LRMDA: variants seen among roughly 807,000 people sequenced by gnomAD.
The protein encoded by LRMDA is leucine-rich melanocyte differentiation-associated protein.
In LRMDA, 18 loss-of-function variants were observed where a neutral mutation model predicts 29.8. That is an observed-to-expected ratio of 0.60 (90% CI 0.42 to 0.90). The LOEUF (loss-of-function observed/expected upper bound fraction) is 0.90, where lower values mean the gene tolerates loss of function less well. Among genes scored for constraint, LRMDA ranks in the 40% least tolerant of loss-of-function variants. The pLI is 0.00. For synonymous variants in LRMDA, 125 were observed against 109.4 expected (o/e 1.14, Z -0.89); for missense variants, 273 against 273.9 (o/e 1.00, Z 0.02).
chr10:76,363,254 A>AGAAGGAAGGAAGGAAG (rs774111711), intron 6 of LRMDA, among the ~76,000 whole-genome samples: 1 of 46,402 alleles, frequency 2.2e-5, no homozygotes, highest in African/African-American at 9.4e-5. Flanking sequence ...AAAGAAAGAA[A>AGAAGGAAGGAAGGAAG]GAAGGAAGGA....
chr10:76,317,996 C>A (rs113649246), intron 5 of LRMDA, among the ~76,000 whole-genome samples: 2,066 of 152,226 alleles, frequency 0.014, 28 homozygotes, highest in African/African-American at 0.035. Context: ...TAATTAATAT[C>A]TTTGCATATT....
At chr10:76,351,550 T>G (rs1029821698) in intron 6 of LRMDA, among the ~76,000 whole-genome samples, 1 of 152,042 alleles carries the variant, frequency 6.6e-6, no homozygotes, top group Non-Finnish European at 1.5e-5. Flanking sequence ...TCTTCACCCC[T>G]TTGGTTTCCC....
At chr10:76,203,301 TA>T (rs1055618508) in intron 5 of LRMDA, among the ~76,000 whole-genome samples, 1 of 151,978 alleles carries the variant, frequency 6.6e-6, no homozygotes, top group African/African-American at 2.4e-5. Flanking sequence ...TCAAAGGGTT[TA>T]AAAAAAATGT....
At chr10:76,484,664 T>C (rs972897421) in intron 6 of LRMDA, among the ~76,000 whole-genome samples, 2 of 151,974 alleles carry the variant, frequency 1.3e-5, no homozygotes, top group African/African-American at 4.8e-5. Flanking sequence ...TTTAGTTTTA[T>C]GTAGTTTTCT....
chr10:75,567,955 G>C (rs963305781), intron 2 of LRMDA, among the ~76,000 whole-genome samples: 1 of 152,196 alleles, frequency 6.6e-6, no homozygotes, highest in Non-Finnish European at 1.5e-5. Flanking sequence ...TGTTTAAGAA[G>C]CCCATGAAAT....
intron 2 of LRMDA, among the ~76,000 whole-genome samples, chr10:75,553,695 C>T (rs1413075582): frequency 1.3e-5 from 2 of 152,140 alleles, no homozygotes; most frequent in Non-Finnish European, 2.9e-5. Context: ...GCTTCTATCT[C>T]TCCTTTAGTT....
intron 2 of LRMDA, among the ~76,000 whole-genome samples, chr10:75,671,683 T>C (rs1255321198): frequency 6.6e-6 from 1 of 152,004 alleles, no homozygotes; most frequent in African/African-American, 2.4e-5. Flanking sequence ...AAATACCTAA[T>C]GTAGATGATG....
chr10:76,281,690 C>T (rs1371899962), intron 5 of LRMDA, among the ~76,000 whole-genome samples: 1 of 152,100 alleles, frequency 6.6e-6, no homozygotes, highest in Non-Finnish European at 1.5e-5. Flanking sequence ...TGCATAATAA[C>T]CCTAAGGGGA....
intron 2 of LRMDA, among the ~76,000 whole-genome samples, chr10:75,679,614 G>A (rs763569431): frequency 2.6e-5 from 4 of 152,122 alleles, no homozygotes; most frequent in Non-Finnish European, 4.4e-5. Flanking sequence ...TACATGCATG[G>A]CATTTTGTTA....
chr10:76,293,441 G>T (rs1255826007), intron 5 of LRMDA, among the ~76,000 whole-genome samples: 1 of 152,224 alleles, frequency 6.6e-6, no homozygotes, highest in Non-Finnish European at 1.5e-5. Context: ...AAAATGTGAA[G>T]AAGAGTGATA....
chr10:76,031,275 A>G (rs766970852), intron 2 of LRMDA, among the ~76,000 whole-genome samples: 34 of 152,142 alleles, frequency 2.2e-4, no homozygotes, highest in Admixed American at 3.9e-4. Flanking sequence ...AATAATGAGA[A>G]CTGGTATACC....
rs71024565 is a variant in LRMDA at position 75,794,945 on chromosome 10, ATT to A, written c.132-241052_132-241051del. 6.2e-4 allele frequency among the ~76,000 whole-genome samples: 91 copies of A among 147,470 alleles called. 1 individual carries two copies. The highest frequency in any genetic ancestry group is 1.3e-3 in the Admixed American group (20 of 14,912). ...TTATTTTGATAAATACCTATTTATC[ATT>A]TTTTTTTTTTGTTAATGCTTTCTGT... On this transcript the variant is annotated intron_variant, in intron 2 of 6. Coordinates refer to ENST00000611255, the MANE Select transcript of LRMDA (RefSeq NM_001305581.2).
chr10:75,708,124 G>A (rs765722077), intron 2 of LRMDA, among the ~76,000 whole-genome samples: 1 of 152,112 alleles, frequency 6.6e-6, no homozygotes, highest in Non-Finnish European at 1.5e-5. Context: ...CTCTGACAGG[G>A]ATTATTATTT....
At chr10:76,536,165 C>T (rs559024776) in intron 6 of LRMDA, among the ~76,000 whole-genome samples, 23 of 152,236 alleles carry the variant, frequency 1.5e-4, no homozygotes, top group Non-Finnish European at 2.8e-4. Context: ...GTCTCCTATA[C>T]GTAAGGGCAT....
intron 2 of LRMDA, among the ~76,000 whole-genome samples, chr10:75,822,797 A>G (rs955093661): frequency 2.6e-5 from 4 of 152,230 alleles, no homozygotes; most frequent in South Asian, 2.1e-4. Flanking sequence ...TGAGAGCTCA[A>G]TGTAGCCTCA....
chr10:76,328,718 G>T (rs1177046473), intron 6 of LRMDA, among the ~76,000 whole-genome samples: 2 of 152,192 alleles, frequency 1.3e-5, no homozygotes, highest in Admixed American at 1.3e-4. Context: ...CATCCCACTT[G>T]CCTGCCTCTG....
intron 2 of LRMDA, among the ~76,000 whole-genome samples, chr10:75,620,989 C>G (rs1199598855): frequency 6.6e-6 from 1 of 152,074 alleles, no homozygotes; most frequent in Non-Finnish European, 1.5e-5. Context: ...CCCTCACCGC[C>G]TTCACCATTT....
intron 6 of LRMDA, among the ~76,000 whole-genome samples, chr10:76,452,821 G>A (rs1025364723): frequency 2.7e-4 from 41 of 152,136 alleles, no homozygotes; most frequent in Admixed American, 2.2e-3. Flanking sequence ...CATTCAATAA[G>A]TAAACTCATA....
rs150866424 is a variant in LRMDA, at chr10:75,796,352, G to T, written c.132-239656G>T. ...ACATGCCTTTTATCAACTTGAGGAAGTTCCCTTATATTCCTAGTTTATCAT... is the reference window on the plus strand; with the variant it reads ...ACATGCCTTTTATCAACTTGAGGAATTTCCCTTATATTCCTAGTTTATCAT... On this transcript the variant is annotated intron_variant, in intron 2 of 6. Transcript: ENST00000611255. Among the ~76,000 whole-genome samples the T allele has an allele frequency of 4.3e-3, 653 of 152,186 alleles. 10 individuals are homozygous for T. Among genetic ancestry groups the T allele is most frequent in the African/African-American group, 0.015 (626 of 41,520 alleles).
Sources: allele counts gnomAD v4.1 joint callset (sites outside exome capture counted in the v4.1 genomes callset), GRCh38; gene constraint gnomAD v4.1.1; transcripts MANE v1.5; gene names NCBI Gene and HGNC (gene_info 2026-07-23, HGNC 2026-07-21).